The following ZC3HAV1 variants were observed in gnomAD, a reference collection of about 807,000 sequenced individuals.
ZC3HAV1 encodes the protein zinc finger CCCH-type containing, antiviral 1.
In ZC3HAV1, 41 loss-of-function variants were observed where a neutral mutation model predicts 86.6. The ratio of observed to expected loss-of-function variants is 0.47; its 90% CI spans 0.37 to 0.61. The LOEUF (loss-of-function observed/expected upper bound fraction) is 0.61, where lower values mean the gene tolerates loss of function less well. ZC3HAV1 is among the 20% of genes least tolerant of loss of function. The pLI is 0.00. For synonymous variants in ZC3HAV1, 421 were observed against 432.1 expected, an observed-to-expected ratio of 0.97 and a Z score of 0.32; for missense variants, 964 against 1,141.1, an observed-to-expected ratio of 0.84 and a Z score of 2.24.
intron 1 of ZC3HAV1, among the ~76,000 whole-genome samples, chr7:139,094,943 C>T (rs1334448180): frequency 1.3e-5 from 2 of 151,462 alleles, no homozygotes; most frequent in African/African-American, 2.4e-5. Flanking sequence ...TAGCTCTGAA[C>T]TCAACAGTCA....
intron 7 of ZC3HAV1, among the ~76,000 whole-genome samples, chr7:139,072,287 C>T (rs1250408963): frequency 2.0e-5 from 3 of 151,926 alleles, no homozygotes; most frequent in South Asian, 2.1e-4. Context: ...CAGGTTCAAG[C>T]GATTCTCCTG....
intron 6 of ZC3HAV1, 86 bp downstream of exon 6, chr7:139,076,197 GTTT>G: frequency 6.4e-7 from 1 of 1,559,216 alleles, no homozygotes; most frequent in Non-Finnish European, 8.7e-7. Context: ...ATGGAAAAGT[GTTT>G]TTTTCTTTTT....
Position 139,043,729 on chromosome 7 carries a change from T to A in ZC3HAV1, c.*3865A>T, listed in dbSNP as rs1815881729. On this transcript the variant is annotated 3_prime_UTR_variant, in exon 13 of 13. Transcript: ENST00000242351. ...CTCAACCCTCAGGGGGCTTACATTC[T>A]AATGCAGAAAGCAGATAATTTCAGT... 6.6e-6 allele frequency: 1 copy of A among 152,210 alleles called. No individual in the cohort carries two copies. Among genetic ancestry groups the A allele is most frequent in the Non-Finnish European group, 1.5e-5 (1 of 68,034 alleles). The allele number at this position is 152,210 out of a possible 1,614,324, so 9.4% of individuals were successfully genotyped here.
intron 2 of ZC3HAV1, among the ~76,000 whole-genome samples, chr7:139,086,336 C>G (rs539550587): frequency 1.3e-5 from 2 of 152,166 alleles, no homozygotes; most frequent in Admixed American, 1.3e-4. Flanking sequence ...TTAACTCTGA[C>G]GAGTGGAAAA....
At position 139,047,464 on chromosome 7, in the gene ZC3HAV1, G is replaced by A; in HGVS notation, c.*130C>T. ...TGATTCTAATATGTAGCAAAATTTG[G>A]GGACCACTGATCTAAGACATTAGAT... On this transcript the variant is annotated 3_prime_UTR_variant, in exon 13 of 13. Transcript: ENST00000242351. The A allele has an allele frequency of 7.6e-7, 1 of 1,313,484 alleles. No homozygotes were observed. The allele number at this position is 1,313,484 out of a possible 1,614,324, so 81.4% of individuals were successfully genotyped here. A position where few individuals can be genotyped will look rare whatever the true frequency, so the allele number is the denominator to read the frequency against.
At chr7:139,047,891 A>C (rs1816007684) in intron 12 of ZC3HAV1, 38 bp from the exon 13 acceptor site, 1 of 1,587,140 alleles carries the variant, frequency 6.3e-7, no homozygotes, top group South Asian at 1.1e-5. Context: ...GAAATATTAT[A>C]AAAGAAGGTA....
intron 1 of ZC3HAV1, among the ~76,000 whole-genome samples, chr7:139,102,357 T>G (rs1817799086): frequency 6.6e-6 from 1 of 152,142 alleles, no homozygotes; most frequent in African/African-American, 2.4e-5. Context: ...CTCGAACCCC[T>G]GACTTCAAGA....
chr7:139,095,658 C>T (rs536657855), intron 1 of ZC3HAV1, among the ~76,000 whole-genome samples: 13 of 152,224 alleles, frequency 8.5e-5, no homozygotes, highest in Non-Finnish European at 1.9e-4. Flanking sequence ...TCCGCACATA[C>T]CCTACAGTTG....
At chr7:139,078,970 G>A (rs1817039590) in intron 4 of ZC3HAV1, 2 of 1,280,174 alleles carry the variant, frequency 1.6e-6, no homozygotes, top group Admixed American at 5.3e-5. Context: ...CTCCTCACCA[G>A]ACCACCCCAT....
At chr7:139,090,606 T>G (rs932079977) in intron 1 of ZC3HAV1, among the ~76,000 whole-genome samples, 2 of 152,202 alleles carry the variant, frequency 1.3e-5, no homozygotes, top group Non-Finnish European at 2.9e-5. Context: ...TTTTAATAGT[T>G]CTCCTTCATT....
At chr7:139,071,990 A>G (rs1293693688) in intron 7 of ZC3HAV1, among the ~76,000 whole-genome samples, 2 of 152,178 alleles carry the variant, frequency 1.3e-5, no homozygotes, top group Non-Finnish European at 2.9e-5. Flanking sequence ...AACATAACAG[A>G]GTAGTGCCTC....
At chr7:139,105,055 A>ATC (rs1157531650) in intron 1 of ZC3HAV1, among the ~76,000 whole-genome samples, 3 of 149,110 alleles carry the variant, frequency 2.0e-5, no homozygotes, top group African/African-American at 7.4e-5. Context: ...AAAAAAAAAG[A>ATC]AAAGAAAAGT....
At chr7:139,062,605 C>T (rs1446134898) in intron 8 of ZC3HAV1, among the ~76,000 whole-genome samples, 1 of 152,242 alleles carries the variant, frequency 6.6e-6, no homozygotes, top group Non-Finnish European at 1.5e-5. Context: ...TCTCTCACCA[C>T]CCTTTTGAAT....
At chr7:139,059,005 C>G (rs1318138253) in intron 9 of ZC3HAV1, among the ~76,000 whole-genome samples, 2 of 137,554 alleles carry the variant, frequency 1.5e-5, no homozygotes, top group Admixed American at 1.6e-4. Flanking sequence ...ATTACCGGAA[C>G]TTTAAAAAAA....
chr7:139,103,754 G>A (rs926978217), intron 1 of ZC3HAV1, among the ~76,000 whole-genome samples: 30 of 152,286 alleles, frequency 2.0e-4, no homozygotes, highest in African/African-American at 7.0e-4. Context: ...GGGGGAATAG[G>A]TAACTGAACT....
Position 139,055,240 on chromosome 7 carries a change from C to T in ZC3HAV1, c.2152G>A (p.Glu718Lys), listed in dbSNP as rs767120888. The change falls in exon 10 of 13, where the codon GAG becomes AAG. Residue 718 changes from glutamate to lysine, a missense_variant. By Grantham distance (56) the Glu-to-Lys change is moderately conservative. Coordinates refer to ENST00000242351, the MANE Select transcript of ZC3HAV1 (RefSeq NM_020119.4). ...TTTGAGGATAGGAAGCAAAAGTCCTCCTGAGGACGAAAGGTCGCAGTTAAA... is the reference window on the plus strand; with the variant it reads ...TTTGAGGATAGGAAGCAAAAGTCCTTCTGAGGACGAAAGGTCGCAGTTAAA... ...VSLTATFRPQ[E>K]DFCFLSSKKY... 6.2e-7 allele frequency: 1 copy of T among 1,613,322 alleles called. No homozygotes were observed. Among genetic ancestry groups the T allele is most frequent in the Non-Finnish European group, 8.5e-7 (1 of 1,179,542 alleles).
chr7:139,055,403 A>C, intron 9 of ZC3HAV1, 108 bp from the exon 10 acceptor site: 1 of 834,486 alleles, frequency 1.2e-6, no homozygotes, highest in Non-Finnish European at 1.9e-6. Flanking sequence ...GAAATACACA[A>C]TATTTATTTC....
chr7:139,063,910 G>C (rs1816523184), intron 8 of ZC3HAV1, among the ~76,000 whole-genome samples: 1 of 151,992 alleles, frequency 6.6e-6, no homozygotes, highest in African/African-American at 2.4e-5. Context: ...TAGTACTATA[G>C]GTACTGGTTT....
Position 139,043,678 on chromosome 7 carries a change from G to A in ZC3HAV1, c.*3916C>T, listed in dbSNP as rs1458484156. On this transcript the variant is annotated 3_prime_UTR_variant, in exon 13 of 13. Coordinates refer to ENST00000242351, the MANE Select transcript of ZC3HAV1 (RefSeq NM_020119.4). ...CATGCTGCTGGGCTGGGCATCAGGCGTGGCACAGCAAACAAGACAGACTGA... is the reference window on the plus strand; with the variant it reads ...CATGCTGCTGGGCTGGGCATCAGGCATGGCACAGCAAACAAGACAGACTGA... The A allele has an allele frequency of 2.6e-5, 4 of 152,196 alleles. No individual in the cohort carries two copies. The highest frequency in any genetic ancestry group is 2.1e-4 in the South Asian group (1 of 4,828). The allele number at this position is 152,196 out of a possible 1,614,324, so 9.4% of individuals were successfully genotyped here.
Sources: gnomAD v4.1 joint callset for allele counts (sites outside exome capture counted in the v4.1 genomes callset) on GRCh38, gnomAD v4.1.1 for gene constraint, MANE v1.5 for transcripts, NCBI Gene and HGNC (gene_info 2026-07-23, HGNC 2026-07-21) for gene names.